Variants in KIAA0040 observed in about 807,000 individuals in gnomAD.
The protein encoded by KIAA0040 is uncharacterized protein KIAA0040.
A neutral mutation model predicts 7.2 loss-of-function variants in KIAA0040; 10 were observed. The ratio of observed to expected loss-of-function variants is 1.38; its 90% CI spans 0.85 to 2.34. KIAA0040 has a LOEUF of 2.34. Ranked by LOEUF, KIAA0040 falls within the 30% of genes most tolerant of loss-of-function variation. The pLI, the probability that KIAA0040 is intolerant of heterozygous loss-of-function variation, is 0.00. For synonymous variants in KIAA0040, 49 were observed against 40.1 expected, an observed-to-expected ratio of 1.22 and a Z score of -0.84; for missense variants, 89 against 108.2, an observed-to-expected ratio of 0.82 and a Z score of 0.79.
chr1:175,174,640 G>A (rs1379742656), intron 2 of KIAA0040, among the ~76,000 whole-genome samples: 1 of 152,172 alleles, frequency 6.6e-6, no homozygotes, highest in African/African-American at 2.4e-5. Flanking sequence ...CTGAATTAAA[G>A]CTCAAAGTAG....
At chr1:175,190,377 C>T (rs369724818) in intron 1 of KIAA0040, among the ~76,000 whole-genome samples, 5 of 152,322 alleles carry the variant, frequency 3.3e-5, no homozygotes, top group African/African-American at 1.2e-4. Flanking sequence ...TCTTTAGCTG[C>T]CTTCCACCTC....
chr1:175,183,108 T>C (rs1169892510), intron 1 of KIAA0040, among the ~76,000 whole-genome samples: 2 of 152,214 alleles, frequency 1.3e-5, no homozygotes, highest in African/African-American at 4.8e-5. Flanking sequence ...TCTGGAATCA[T>C]CTGTAGCGCG....
Position 175,160,810 on chromosome 1 carries a change from C to CTTCTTT in KIAA0040, c.203_204insAAAGAA (p.Lys74_Lys75dup), listed in dbSNP as rs1553325013. 6.1e-5 allele frequency: 62 copies of CTTCTTT among 1,022,072 alleles called. 7 individuals are homozygous for CTTCTTT. The African/African-American group carries it at 9.2e-4, about 15-fold the overall frequency. The allele number at this position is 1,022,072 out of a possible 1,614,324, so 63.3% of individuals were successfully genotyped here. On this transcript the variant is annotated inframe_insertion, in exon 4 of 4. Coordinates refer to ENST00000423313, the MANE Select transcript of KIAA0040 (RefSeq NM_014656.3). ...CATCCTTCTTCTTCTTCTTCTTCTT[C>CTTCTTT]TTCTTCTTGTTCTTCTCTGGCTGCT... is the stretch of plus-strand genomic sequence containing the variant.
Position 175,158,961 on chromosome 1 carries a change from A to G in KIAA0040, c.*1753T>C, listed in dbSNP as rs1451505052. On this transcript the variant is annotated 3_prime_UTR_variant, in exon 4 of 4. Transcript: ENST00000423313. Reference sequence around the variant, plus strand: ...CAGCCCAAGTGAGCAAATAGAATATATCTTTCCTTTAATGCAATCTTATAG... The same window carrying G: ...CAGCCCAAGTGAGCAAATAGAATATGTCTTTCCTTTAATGCAATCTTATAG... 2 of 152,216 alleles carry G rather than the reference A, an allele frequency of 1.3e-5. No individual in the cohort carries two copies. Among genetic ancestry groups the G allele is most frequent in the African/African-American group, 4.8e-5 (2 of 41,450 alleles). 9.4% of individuals were successfully genotyped at this position (152,216 alleles called of 1,614,324 possible).
At chr1:175,172,037 A>T (rs1677012963) in intron 2 of KIAA0040, among the ~76,000 whole-genome samples, 1 of 152,200 alleles carries the variant, frequency 6.6e-6, no homozygotes, top group Non-Finnish European at 1.5e-5. Flanking sequence ...TTGATTTTCT[A>T]TTATGGAAGG....
Position 175,157,752 on chromosome 1 carries a change from C to T in KIAA0040, c.*2962G>A, listed in dbSNP as rs1381409082. 6.6e-6 allele frequency: 1 copy of T among 152,026 alleles called. No homozygotes were observed. Among genetic ancestry groups the T allele is most frequent in the Admixed American group, 6.6e-5 (1 of 15,262 alleles). 9.4% of individuals were successfully genotyped at this position (152,026 alleles called of 1,614,324 possible). A position where few individuals can be genotyped will look rare whatever the true frequency, so the allele number is the denominator to read the frequency against. ...GGGGAAAGGAGCAATGGGGAAAGGC[C>T]TCCTCTGGCTGCCGTCCGGAGCCTG... On this transcript the variant is annotated 3_prime_UTR_variant, in exon 4 of 4. Coordinates refer to ENST00000423313, the MANE Select transcript of KIAA0040 (RefSeq NM_014656.3).
rs535663964 is a variant in KIAA0040, at chr1:175,169,478, C to T, written c.-309-2741G>A. Among the ~76,000 whole-genome samples the T allele has an allele frequency of 2.6e-5, 4 of 152,306 alleles. No individual in the cohort carries two copies. The South Asian group carries it at 8.3e-4, about 32-fold the overall frequency. The stretch of plus-strand genomic sequence containing the variant: ...CAGTAGAAGTAGAGTGCCTCAGAGC[C>T]TTGCCTAGCAATAAAAGTTAGTCCT... On this transcript the variant is annotated intron_variant, in intron 2 of 3. Coordinates refer to ENST00000423313, the MANE Select transcript of KIAA0040 (RefSeq NM_014656.3).
At chr1:175,166,365 ACT>A (rs1676763241) in intron 3 of KIAA0040, among the ~76,000 whole-genome samples, 195 bp downstream of exon 3, 1 of 151,988 alleles carries the variant, frequency 6.6e-6, no homozygotes, top group Non-Finnish European at 1.5e-5. Context: ...GCTCCTGGAG[ACT>A]CTGATTCAGT....
At chr1:175,163,764 C>T (rs1416697014) in intron 3 of KIAA0040, among the ~76,000 whole-genome samples, 1 of 152,156 alleles carries the variant, frequency 6.6e-6, no homozygotes, top group Non-Finnish European at 1.5e-5. Context: ...CGTTAGATAA[C>T]ACCACCACCA....
At chr1:175,170,971 G>C (rs1676968915) in intron 2 of KIAA0040, among the ~76,000 whole-genome samples, 2 of 152,092 alleles carry the variant, frequency 1.3e-5, no homozygotes, top group South Asian at 4.1e-4. Flanking sequence ...ACCTTGTCTG[G>C]TACTCTCTTC....
intron 1 of KIAA0040, among the ~76,000 whole-genome samples, chr1:175,187,552 G>A (rs1009674648): frequency 6.6e-6 from 1 of 152,216 alleles, no homozygotes; most frequent in African/African-American, 2.4e-5. Flanking sequence ...TTGAGTTGGG[G>A]AGGAACAAGA....
chr1:175,169,525 TA>T (rs1321286680), intron 2 of KIAA0040, among the ~76,000 whole-genome samples: 1 of 152,232 alleles, frequency 6.6e-6, no homozygotes, highest in Non-Finnish European at 1.5e-5. Context: ...CCCAAACAAA[TA>T]GGCTGGCCAA....
At chr1:175,176,669 CTTTTTTTTTTTTT>C (rs34859478) in intron 2 of KIAA0040, among the ~76,000 whole-genome samples, 4 of 27,438 alleles carry the variant, frequency 1.5e-4, no homozygotes, top group Non-Finnish European at 1.6e-4. Flanking sequence ...AAGTAGCATG[CTTTTTTTTTTTTT>C]TTTTTTTTTT....
chr1:175,176,669 CTTTTTTTTTTT>C (rs34859478), intron 2 of KIAA0040, among the ~76,000 whole-genome samples: 18 of 27,464 alleles, frequency 6.6e-4, no homozygotes, highest in South Asian at 3.6e-3. Flanking sequence ...AAGTAGCATG[CTTTTTTTTTTT>C]TTTTTTTTTT....
intron 2 of KIAA0040, among the ~76,000 whole-genome samples, chr1:175,177,278 A>G (rs1212157658): frequency 1.3e-5 from 2 of 152,248 alleles, no homozygotes; most frequent in African/African-American, 2.4e-5. Flanking sequence ...TTGAAGAAAT[A>G]ACACATTAGG....
intron 1 of KIAA0040, among the ~76,000 whole-genome samples, chr1:175,191,760 T>A (rs934690582): frequency 6.6e-6 from 1 of 152,188 alleles, no homozygotes; most frequent in Non-Finnish European, 1.5e-5. Flanking sequence ...GCTGAGCAAA[T>A]GAAATGCAAC....
chr1:175,158,339 G>A lies in KIAA0040; in HGVS notation c.*2375C>T, dbSNP rs887064803. Reference sequence around the variant, plus strand: ...TGGATTAGGAGACAGCAGGGACATTGTGCCTGGAGATAGAGGCCTTGTCAT... The same window carrying A: ...TGGATTAGGAGACAGCAGGGACATTATGCCTGGAGATAGAGGCCTTGTCAT... On this transcript the variant is annotated 3_prime_UTR_variant, in exon 4 of 4. Transcript: ENST00000423313. 1.3e-5 allele frequency: 2 copies of A among 152,224 alleles called. No homozygotes were observed. Among genetic ancestry groups the A allele is most frequent in the East Asian group, 3.9e-4 (2 of 5,192 alleles). The allele number at this position is 152,224 out of a possible 1,614,324, so 9.4% of individuals were successfully genotyped here.
intron 3 of KIAA0040, among the ~76,000 whole-genome samples, chr1:175,164,297 G>A (rs1676666221): frequency 6.6e-6 from 1 of 152,188 alleles, no homozygotes; most frequent in Non-Finnish European, 1.5e-5. Flanking sequence ...TTCATGCACT[G>A]TTGGGTGTTG....
intron 2 of KIAA0040, among the ~76,000 whole-genome samples, chr1:175,167,661 G>A (rs191918480): frequency 6.6e-6 from 1 of 152,278 alleles, no homozygotes; most frequent in Non-Finnish European, 1.5e-5. Context: ...AGAGGGTGTA[G>A]GGGGAGGAAA....
Sources: gnomAD v4.1 joint callset for allele counts (sites outside exome capture counted in the v4.1 genomes callset) on GRCh38, gnomAD v4.1.1 for gene constraint, MANE v1.5 for transcripts, NCBI Gene and HGNC (gene_info 2026-07-23, HGNC 2026-07-21) for gene names.